Variants in KDM5A observed in about 807,000 individuals in gnomAD.
The protein encoded by KDM5A is lysine-specific demethylase 5A.
In KDM5A, 42 loss-of-function variants were observed where a neutral mutation model predicts 193.5. The ratio of observed to expected loss-of-function variants is 0.22; its 90% confidence interval spans 0.17 to 0.28. The LOEUF is 0.28. KDM5A is among the 10% of genes least tolerant of loss of function. KDM5A has a pLI of 1.00. For missense variants in KDM5A, 1,692 were observed against 2,055.1 expected (o/e 0.82, Z 3.42); for synonymous variants, 796 against 718.1 (o/e 1.11, Z -1.73).
chr12:382,702 G>C (rs116258790), intron 3 of KDM5A, among the ~76,000 whole-genome samples: 5,775 of 152,204 alleles, frequency 0.038, 345 homozygotes, highest in African/African-American at 0.12. Context: ...GGGAGATCAA[G>C]GTGAGCGGAT....
At chr12:383,640 TGATA>T (rs1235196652) in intron 3 of KDM5A, among the ~76,000 whole-genome samples, 1 of 152,218 alleles carries the variant, frequency 6.6e-6, no homozygotes, top group Non-Finnish European at 1.5e-5. Context: ...TCACAGAGCC[TGATA>T]AATATTAATA....
rs1943749982 is a variant in KDM5A, at chr12:323,676, AG to A, written c.2073del (p.Cys692ValfsTer31). On this transcript the variant is annotated frameshift_variant, in exon 15 of 28. Coordinates refer to ENST00000399788, the MANE Select transcript of KDM5A (RefSeq NM_001042603.3). LOFTEE classifies it high-confidence loss of function. ...AGACATACAAGCCGCTCAGGATTACAGGAACATGTGAGAGCAGAGAGAAAAC... is the reference window on the plus strand; with the variant it reads ...AGACATACAAGCCGCTCAGGATTACAGAACATGTGAGAGCAGAGAGAAAAC... ...TTCFLSALTCSCNPERLVCLY... is the reference protein window; with the variant it reads ...TTCFLSALTCXCNPERLVCLY... 1 of 1,614,054 alleles carries A rather than the reference AG, an allele frequency of 6.2e-7. No homozygotes were observed. Among genetic ancestry groups the A allele is most frequent in the African/African-American group, 1.3e-5 (1 of 74,946 alleles).
At chr12:381,553 A>G (rs1454800029) in intron 3 of KDM5A, among the ~76,000 whole-genome samples, 1 of 150,170 alleles carries the variant, frequency 6.7e-6, no homozygotes, top group East Asian at 1.9e-4. Flanking sequence ...ATGAATTTTT[A>G]TCCTAATAGT....
At chr12:326,580 G>T (rs1943787382) in intron 14 of KDM5A, among the ~76,000 whole-genome samples, 2 of 152,212 alleles carry the variant, frequency 1.3e-5, no homozygotes, top group Admixed American at 1.3e-4. Flanking sequence ...ACTGGATTTT[G>T]GCCGGGCACG....
Position 328,829 on chromosome 12 carries a change from A to T in KDM5A, c.1968+6T>A, listed in dbSNP as rs1361636771. 1.2e-6 allele frequency: 2 copies of T among 1,613,298 alleles called. No homozygotes were observed. Among genetic ancestry groups the T allele is most frequent in the Non-Finnish European group, 8.5e-7 (1 of 1,179,894 alleles). ...CAAACATAGAAAATGTGCTCAGCAA[A>T]CTCACCATCTGTACAACAGACTCTC... is the stretch of plus-strand genomic sequence containing the variant. On this transcript the variant is annotated splice_donor_region_variant and intron_variant, in intron 14 of 27. Transcript: ENST00000399788.
chr12:360,503 C>G (rs971736039), intron 5 of KDM5A, among the ~76,000 whole-genome samples: 3 of 152,118 alleles, frequency 2.0e-5, no homozygotes, highest in African/African-American at 7.2e-5. Context: ...ATCTCAATTT[C>G]AAGGACAGGA....
intron 3 of KDM5A, among the ~76,000 whole-genome samples, chr12:378,968 A>G (rs1387724481): frequency 6.6e-6 from 1 of 151,980 alleles, no homozygotes; most frequent in Non-Finnish European, 1.5e-5. Flanking sequence ...CAAAAAAAAA[A>G]AAAAAAAACT....
intron 10 of KDM5A, among the ~76,000 whole-genome samples, chr12:347,054 C>T (rs527698138): frequency 6.6e-6 from 1 of 152,160 alleles, no homozygotes; most frequent in East Asian, 1.9e-4. Flanking sequence ...AGCTGATAAG[C>T]AACTTCAGCA....
intron 10 of KDM5A, 85 bp from the exon 11 acceptor site, chr12:334,507 T>C (rs181819715): frequency 1.8e-6 from 2 of 1,090,388 alleles, no homozygotes; most frequent in Non-Finnish European, 2.8e-6. Flanking sequence ...CCCAGAAAAT[T>C]TTTTTATAAT....
In KDM5A at chr12:295,288, GA is replaced by G. The variant is rs869038584; in HGVS notation, c.4455+284del. Among the ~76,000 whole-genome samples, 179 of 81,382 alleles carry G rather than the reference GA, an allele frequency of 2.2e-3. 1 individual carries two copies. The highest frequency in any genetic ancestry group is 1.9e-3 in the Non-Finnish European group (71 of 37,610). The allele number at this position is 81,382 out of a possible 152,430, so 53.4% of individuals were successfully genotyped here. The stretch of plus-strand genomic sequence containing the variant: ...GGGAAGGAAAAAGGAAAGGAAAGAA[GA>G]AAAAAGAAAAAGAAAGGAAAGGAGA... On this transcript the variant is annotated intron_variant, in intron 26 of 27. Transcript: ENST00000399788.
intron 3 of KDM5A, among the ~76,000 whole-genome samples, chr12:368,508 A>T (rs921826803): frequency 3.3e-5 from 5 of 152,060 alleles, no homozygotes; most frequent in African/African-American, 1.2e-4. Flanking sequence ...AGGCAGGCGG[A>T]TCACCTGAGG....
At position 362,843 on chromosome 12, in the gene KDM5A, C is replaced by A. The variant is rs969323007; in HGVS notation, c.672+120G>T. 15 of 880,950 alleles carry A rather than the reference C, an allele frequency of 1.7e-5. No homozygotes were observed. The African/African-American group carries it at 1.8e-4, about 11-fold the overall frequency. The allele number at this position is 880,950 out of a possible 1,614,324, so 54.6% of individuals were successfully genotyped here. ...AGGCACAGCAGCGCATACCAACCAG[C>A]AATACTCAAGAGGCGGAGGCAAGAG... On this transcript the variant is annotated intron_variant, in intron 5 of 27. Coordinates refer to ENST00000399788, the MANE Select transcript of KDM5A (RefSeq NM_001042603.3).
At chr12:337,206 T>C (rs1380079415) in intron 10 of KDM5A, among the ~76,000 whole-genome samples, 5 of 152,198 alleles carry the variant, frequency 3.3e-5, no homozygotes, top group Non-Finnish European at 5.9e-5. Context: ...ATTGAAAGTT[T>C]CCCGAAGCCT....
intron 12 of KDM5A, among the ~76,000 whole-genome samples, 171 bp from the exon 13 acceptor site, chr12:332,109 TTAAAA>T (rs1358751479): frequency 6.6e-6 from 1 of 152,212 alleles, no homozygotes; most frequent in Non-Finnish European, 1.5e-5. Context: ...TTCTACCTTC[TTAAAA>T]TAGTCACTGA....
intron 12 of KDM5A, 40 bp downstream of exon 12, chr12:333,447 A>C (rs958682114): frequency 6.2e-7 from 1 of 1,611,518 alleles, no homozygotes; most frequent in Non-Finnish European, 8.5e-7. Flanking sequence ...AAAAACAAAC[A>C]AACAAACAAA....
In KDM5A at chr12:322,436, T is replaced by C. The variant is rs1440867275; in HGVS notation, c.2407A>G (p.Ser803Gly). ...GTTTACCTGTGTTTCTGCTTTTTGC[T>C]CAGAAGCAGCTGAGCCACAGAAGCA... ...TCASVAQLLL[S>G]KKQKHRQSPD... is the part of the protein sequence containing the mutation. Residue 803 changes from serine (S) to glycine (G), a missense_variant, in exon 17 of 28, where the codon AGC becomes GGC. Physicochemically the swap from Ser to Gly is moderately conservative, Grantham distance 56 (BLOSUM62 0). Transcript: ENST00000399788. 6.2e-7 allele frequency: 1 copy of C among 1,612,898 alleles called. No individual in the cohort carries two copies. The highest frequency in any genetic ancestry group is 1.1e-5 in the South Asian group (1 of 91,084).
intron 24 of KDM5A, among the ~76,000 whole-genome samples, chr12:297,621 AT>A (rs1447165834): frequency 1.3e-5 from 2 of 152,092 alleles, no homozygotes. Flanking sequence ...AGATAAGGAA[AT>A]TTTTCCAAGT....
chr12:307,808 A>C lies in KDM5A; in HGVS notation c.3576T>G (p.Pro1192=), dbSNP rs1437118019. Residue 1192 remains proline, a synonymous_variant, in exon 23 of 28, where the codon CCT becomes CCG. Coordinates refer to ENST00000399788, the MANE Select transcript of KDM5A (RefSeq NM_001042603.3). This position sits in a 1 kb window ranked among gnomAD's most constrained non-coding sequence, Gnocchi z 4.3. ...DWFHNSCVPL[P]KSSSQKKGSS... is the part of the protein sequence containing the mutation. ...ATCCTTTTTTTTGGGAACTTGATTT[A>C]GGAAGAGGAACACAGCTGTTATGGA... The C allele has an allele frequency of 6.2e-7, 1 of 1,614,186 alleles. No homozygotes were observed. Among genetic ancestry groups the C allele is most frequent in the South Asian group, 1.1e-5 (1 of 91,076 alleles).
intron 27 of KDM5A, among the ~76,000 whole-genome samples, chr12:291,954 G>A (rs1943300557): frequency 1.3e-5 from 2 of 149,490 alleles, no homozygotes; most frequent in South Asian, 4.2e-4. Context: ...CCAGGCTGGA[G>A]CACAATGGAG....
Sources: gnomAD v4.1 joint callset for allele counts (sites outside exome capture counted in the v4.1 genomes callset) on GRCh38, gnomAD v4.1.1 for gene constraint, Gnocchi (gnomAD v3.1) non-coding constraint, MANE v1.5 for transcripts, NCBI Gene and HGNC (gene_info 2026-07-23, HGNC 2026-07-21) for gene names.